Variants in IMMP2L observed in about 807,000 individuals in gnomAD.
The protein encoded by IMMP2L is inner mitochondrial membrane peptidase subunit 2.
A neutral mutation model predicts 19.3 loss-of-function variants in IMMP2L; 18 were observed. That is an observed-to-expected ratio of 0.93 (90% CI 0.64 to 1.38). IMMP2L has a LOEUF of 1.38. Ranked by LOEUF, IMMP2L falls within the 40% of genes most tolerant of loss-of-function variation. IMMP2L has a pLI of 0.00. For missense variants in IMMP2L, 233 were observed against 218.2 expected, an observed-to-expected ratio of 1.07 and a Z score of -0.43; for synonymous variants, 76 against 73.0, an observed-to-expected ratio of 1.04 and a Z score of -0.21.
At chr7:111,366,452 G>A (rs1829775359) in intron 3 of IMMP2L, among the ~76,000 whole-genome samples, 1 of 151,526 alleles carries the variant, frequency 6.6e-6, no homozygotes, top group South Asian at 2.1e-4. Context: ...GATTAAAAGA[G>A]ATTAAAGAGA....
At chr7:111,446,115 C>T (rs1838370998) in intron 3 of IMMP2L, among the ~76,000 whole-genome samples, 1 of 147,438 alleles carries the variant, frequency 6.8e-6, no homozygotes, top group African/African-American at 2.4e-5. Context: ...TGCAAGGCGG[C>T]AGCAAGGCTG....
At chr7:111,268,569 C>CTCTT (rs1818083564) in intron 3 of IMMP2L, among the ~76,000 whole-genome samples, 9 of 44,560 alleles carry the variant, frequency 2.0e-4, no homozygotes, top group African/African-American at 8.2e-4. Context: ...TCACATTTCT[C>CTCTT]TTTTTTTTTT....
At chr7:111,136,708 C>A (rs907582121) in intron 3 of IMMP2L, among the ~76,000 whole-genome samples, 2 of 152,212 alleles carry the variant, frequency 1.3e-5, no homozygotes, top group South Asian at 4.1e-4. Flanking sequence ...GCAAAGCCAG[C>A]TGTAAACGGA....
At chr7:111,440,696 C>T (rs1363537675) in intron 3 of IMMP2L, among the ~76,000 whole-genome samples, 1 of 151,792 alleles carries the variant, frequency 6.6e-6, no homozygotes, top group African/African-American at 2.4e-5. Context: ...TACATTAGCC[C>T]CTAACAACAA....
intron 2 of IMMP2L, among the ~76,000 whole-genome samples, chr7:111,507,454 A>G (rs1019424040): frequency 6.6e-6 from 1 of 152,112 alleles, no homozygotes; most frequent in African/African-American, 2.4e-5. Context: ...TCACATTTTT[A>G]AAAAATGTTT....
At chr7:111,088,890 G>C (rs10242243) in intron 3 of IMMP2L, among the ~76,000 whole-genome samples, 1 of 152,090 alleles carries the variant, frequency 6.6e-6, no homozygotes, top group Non-Finnish European at 1.5e-5. Context: ...GAACAAGATA[G>C]AAATTCCAGT....
At chr7:110,888,163 C>T (rs986619197) in intron 4 of IMMP2L, among the ~76,000 whole-genome samples, 2 of 151,794 alleles carry the variant, frequency 1.3e-5, no homozygotes, top group African/African-American at 4.8e-5. Context: ...ATTACTATTG[C>T]GAAGAAAGTT....
intron 5 of IMMP2L, among the ~76,000 whole-genome samples, chr7:110,826,370 A>C (rs570275467): frequency 1.1e-4 from 17 of 152,310 alleles, no homozygotes; most frequent in Admixed American, 1.1e-3. Context: ...TCATGCTGCT[A>C]TAAAGACACA....
intron 5 of IMMP2L, among the ~76,000 whole-genome samples, chr7:110,670,359 T>C (rs753740769): frequency 6.6e-6 from 1 of 152,204 alleles, no homozygotes; most frequent in African/African-American, 2.4e-5. Context: ...TATTTTGTTA[T>C]GAGAGTCCTA....
At chr7:111,161,510 T>G (rs536945581) in intron 3 of IMMP2L, among the ~76,000 whole-genome samples, 3 of 151,968 alleles carry the variant, frequency 2.0e-5, no homozygotes, top group African/African-American at 2.4e-5. Context: ...TAGAAAAAAG[T>G]ATCTGATAAA....
At chr7:110,943,430 G>A (rs1169147697) in intron 4 of IMMP2L, among the ~76,000 whole-genome samples, 1 of 152,024 alleles carries the variant, frequency 6.6e-6, no homozygotes, top group Non-Finnish European at 1.5e-5. Flanking sequence ...AGAGGGATAG[G>A]TGAGTACATG....
intron 3 of IMMP2L, among the ~76,000 whole-genome samples, chr7:110,972,475 T>C (rs1249827165): frequency 6.6e-6 from 1 of 152,054 alleles, no homozygotes; most frequent in Non-Finnish European, 1.5e-5. Context: ...TTCTGCTGGA[T>C]AAACTACATG....
In IMMP2L at chr7:111,262,290, G is replaced by C. The variant is rs1587112340; in HGVS notation, c.239+224948C>G. Among the ~76,000 whole-genome samples, 3 of 152,202 alleles carry C rather than the reference G, an allele frequency of 2.0e-5. No individual in the cohort carries two copies. The South Asian group carries it at 6.2e-4, about 32-fold the overall frequency. On this transcript the variant is annotated intron_variant, in intron 3 of 5. Transcript: ENST00000405709. ...TGGAAAGAGGAAGAGGATATATCAG[G>C]GAGTGGGATTGAAATCTTATACAGA...
At chr7:110,685,351 A>C (rs1315837282) in intron 5 of IMMP2L, among the ~76,000 whole-genome samples, 2 of 152,168 alleles carry the variant, frequency 1.3e-5, no homozygotes, top group Admixed American at 1.3e-4. Context: ...CAACTCTGCA[A>C]GACTGCCACA....
In IMMP2L at chr7:110,820,909, G is replaced by C. The variant is rs904824493; in HGVS notation, c.408+65684C>G. On this transcript the variant is annotated intron_variant, in intron 5 of 5. Transcript: ENST00000405709. ...TTTTCCTCATCTATAAAACCAATAT[G>C]ATTATCTCCAATCTCCCTCCACTAA... Among the ~76,000 whole-genome samples, 4 of 151,882 alleles carry C rather than the reference G, an allele frequency of 2.6e-5. No individual in the cohort carries two copies. In the South Asian group the frequency reaches 8.3e-4, roughly 32 times the overall value.
intron 4 of IMMP2L, among the ~76,000 whole-genome samples, chr7:110,908,136 C>A (rs1180966600): frequency 1.3e-5 from 2 of 152,104 alleles, no homozygotes; most frequent in African/African-American, 4.8e-5. Context: ...AAGAAATTCA[C>A]AAAATCAGCT....
chr7:111,299,573 G>C (rs78129072), intron 3 of IMMP2L, among the ~76,000 whole-genome samples: 4 of 118,658 alleles, frequency 3.4e-5, no homozygotes, highest in Non-Finnish European at 5.6e-5. Context: ...AGCTGAAGCA[G>C]AAAAAAAAAA....
intron 3 of IMMP2L, among the ~76,000 whole-genome samples, chr7:110,981,705 C>T (rs1821321292): frequency 6.6e-6 from 1 of 152,026 alleles, no homozygotes; most frequent in Non-Finnish European, 1.5e-5. Flanking sequence ...AATATATCTA[C>T]CTTTTCAGCC....
intron 3 of IMMP2L, among the ~76,000 whole-genome samples, chr7:111,157,313 T>C (rs1804747035): frequency 6.6e-6 from 1 of 152,126 alleles, no homozygotes; most frequent in Non-Finnish European, 1.5e-5. Context: ...AGCCAAGATT[T>C]GGAAGCAACC....
Sources: allele counts gnomAD v4.1 joint callset (sites outside exome capture counted in the v4.1 genomes callset), GRCh38; gene constraint gnomAD v4.1.1; transcripts MANE v1.5; gene names NCBI Gene and HGNC (gene_info 2026-07-23, HGNC 2026-07-21).